Variants in ETV1 observed in about 807,000 individuals in gnomAD.
The protein encoded by ETV1 is ETS variant transcription factor 1, also known as ETS translocation variant 1.
A neutral mutation model predicts 62.3 loss-of-function variants in ETV1; 27 were observed. The ratio of observed to expected loss-of-function variants is 0.43; its 90% CI spans 0.32 to 0.60. ETV1 has a LOEUF of 0.60. Ranked by LOEUF, ETV1 falls within the 20% of genes least tolerant of loss-of-function variation. The pLI, the probability that ETV1 is intolerant of heterozygous loss-of-function variation, is 0.06. For synonymous variants in ETV1, 222 were observed against 199.6 expected, an observed-to-expected ratio of 1.11 and a Z score of -0.94; for missense variants, 605 against 605.8, an observed-to-expected ratio of 1.00 and a Z score of 0.01.
chr7:13,977,381 ACC>A, intron 6 of ETV1, 44 bp downstream of exon 6: 1 of 1,288,552 alleles, frequency 7.8e-7, no homozygotes, highest in Non-Finnish European at 1.1e-6. Context: ...AAAGAAGGAA[ACC>A]AGAAAGACAG....
intron 13 of ETV1, chr7:13,900,459 G>T (rs1489495942): frequency 6.3e-6 from 2 of 316,838 alleles, no homozygotes; most frequent in Non-Finnish European, 5.7e-6. Context: ...GAAGACAGAT[G>T]TGCTATTAAT....
At chr7:13,908,454 C>T (rs946744782) in intron 11 of ETV1, among the ~76,000 whole-genome samples, 2 of 152,038 alleles carry the variant, frequency 1.3e-5, no homozygotes, top group Admixed American at 6.6e-5. Context: ...TATACTTTGT[C>T]TAAGAGAAAA....
chr7:13,982,438 T>A (rs539297832), intron 5 of ETV1, among the ~76,000 whole-genome samples: 224 of 152,072 alleles, frequency 1.5e-3, no homozygotes, highest in African/African-American at 5.3e-3. Flanking sequence ...TTTCTATTTT[T>A]AAAAAAAATT....
At chr7:13,985,713 G>C (rs1782486118) in intron 5 of ETV1, among the ~76,000 whole-genome samples, 1 of 151,960 alleles carries the variant, frequency 6.6e-6, no homozygotes, top group South Asian at 2.1e-4. Flanking sequence ...TTTTCTCTTT[G>C]TATTTCCCAC....
chr7:13,988,552 A>AC, intron 3 of ETV1: 3 of 373,752 alleles, frequency 8.0e-6, no homozygotes, highest in Non-Finnish European at 4.4e-6. Context: ...CCTCCTCCCC[A>AC]CCCCACCCCC....
rs1358868733 is a variant in ETV1, at chr7:13,931,990, T to C, written c.555-241A>G. Among the ~76,000 whole-genome samples, 10 of 152,094 alleles carry C rather than the reference T, an allele frequency of 6.6e-5. No individual in the cohort carries two copies. In the East Asian group the frequency reaches 1.7e-3, roughly 26 times the overall value. On this transcript the variant is annotated intron_variant, in intron 8 of 13. Transcript: ENST00000430479. ...ACTGTTGCAGTATATGAGTTAAAGA[T>C]GTACTTTGAGTAAGGATTGGAGAGC...
intron 6 of ETV1, among the ~76,000 whole-genome samples, chr7:13,945,376 A>C (rs752721580): frequency 6.6e-6 from 1 of 152,028 alleles, no homozygotes; most frequent in African/African-American, 2.4e-5. Context: ...TAGTTTTGAG[A>C]TCCCCAACTC....
chr7:13,909,834 C>T (rs1396602654), intron 10 of ETV1, 134 bp from the exon 11 acceptor site: 4 of 720,602 alleles, frequency 5.6e-6, no homozygotes, highest in Admixed American at 5.2e-5. Context: ...GAGCCCTGGA[C>T]ACATTATTTA....
chr7:13,978,636 G>T (rs550883152), intron 5 of ETV1, among the ~76,000 whole-genome samples: 1 of 151,822 alleles, frequency 6.6e-6, no homozygotes, highest in Non-Finnish European at 1.5e-5. Flanking sequence ...AAAATAAACA[G>T]TCTCTTTTGA....
chr7:13,974,101 G>A (rs1259272930), intron 6 of ETV1, among the ~76,000 whole-genome samples: 5 of 152,176 alleles, frequency 3.3e-5, no homozygotes, highest in Non-Finnish European at 5.9e-5. Context: ...TATACAAGAT[G>A]CTGTGGAGTC....
intron 6 of ETV1, among the ~76,000 whole-genome samples, chr7:13,951,663 G>A (rs1788828886): frequency 6.6e-6 from 1 of 152,118 alleles, no homozygotes; most frequent in African/African-American, 2.4e-5. Context: ...CTAACTGAAG[G>A]ACTTCTGGTA....
intron 11 of ETV1, among the ~76,000 whole-genome samples, chr7:13,907,400 G>C (rs1450569500): frequency 2.0e-5 from 3 of 152,018 alleles, no homozygotes; most frequent in Non-Finnish European, 2.9e-5. Context: ...ATTTCTGTAA[G>C]TATGTATTTT....
intron 11 of ETV1, among the ~76,000 whole-genome samples, chr7:13,908,311 G>A (rs561208687): frequency 6.6e-6 from 1 of 152,176 alleles, no homozygotes; most frequent in Admixed American, 6.5e-5. Flanking sequence ...AGATTATATT[G>A]TAATTCTGTC....
Position 13,900,891 on chromosome 7 carries a change from A to G in ETV1, c.1111-52T>C, listed in dbSNP as rs1184707062. The G allele has an allele frequency of 4.1e-6, 5 of 1,209,150 alleles. No individual in the cohort carries two copies. In the East Asian group the frequency reaches 1.3e-4, roughly 32 times the overall value. 74.9% of individuals were successfully genotyped at this position (1,209,150 alleles called of 1,614,324 possible). On this transcript the variant is annotated intron_variant, in intron 12 of 13. Coordinates refer to ENST00000430479, the MANE Select transcript of ETV1 (RefSeq NM_004956.5). ...GTGTTAAGTATTAACTTATCAGCAT[A>G]TTTCATAAAAATTATTTAATTAATT...
chr7:13,935,735 G>T lies in ETV1; in HGVS notation c.527C>A (p.Pro176Gln). The change falls in exon 8 of 14, where the codon CCA (proline) becomes CAA (glutamine). Residue 176 changes from proline to glutamine, a missense_variant. By Grantham distance (76) the Pro-to-Gln change is moderately conservative (BLOSUM62 -1). Transcript: ENST00000430479. Reference sequence around the variant, plus strand: ...GTGGTCCATGGGGTAGCTGCTATCTGGTATGGACTGCGATGGAGGGAGGTG... The same window carrying T: ...GTGGTCCATGGGGTAGCTGCTATCTTGTATGGACTGCGATGGAGGGAGGTG... Reference protein sequence around the residue: ...PAHLPPSQSIPDSSYPMDHRF... With the variant: ...PAHLPPSQSIQDSSYPMDHRF... The T allele has an allele frequency of 6.2e-7, 1 of 1,613,874 alleles. No individual in the cohort carries two copies. The highest frequency in any genetic ancestry group is 1.6e-4 in the Middle Eastern group (1 of 6,062).
At chr7:13,950,938 A>T (rs1788742816) in intron 6 of ETV1, among the ~76,000 whole-genome samples, 1 of 137,328 alleles carries the variant, frequency 7.3e-6, no homozygotes, top group Non-Finnish European at 1.6e-5. Context: ...ACACACACAC[A>T]CACAATATCG....
intron 6 of ETV1, among the ~76,000 whole-genome samples, chr7:13,968,634 A>T (rs1340422277): frequency 6.6e-6 from 1 of 151,868 alleles, no homozygotes; most frequent in Non-Finnish European, 1.5e-5. Flanking sequence ...CCTTCATAGC[A>T]AATTCTACTT....
At chr7:13,944,521 G>A (rs1787929379) in intron 6 of ETV1, among the ~76,000 whole-genome samples, 1 of 152,050 alleles carries the variant, frequency 6.6e-6, no homozygotes, top group South Asian at 2.1e-4. Flanking sequence ...ATCACACTGG[G>A]GAGTAAGTTT....
At chr7:13,987,125 T>A (rs1343265872) in intron 4 of ETV1, 23 of 159,918 alleles carry the variant, frequency 1.4e-4, no homozygotes. Context: ...AAATATATAA[T>A]GGTACATGGT....
Sources: allele counts gnomAD v4.1 joint callset (sites outside exome capture counted in the v4.1 genomes callset), GRCh38; gene constraint gnomAD v4.1.1; transcripts MANE v1.5; gene names NCBI Gene and HGNC (gene_info 2026-07-23, HGNC 2026-07-21).